COPG2: variants seen among roughly 807,000 people sequenced by gnomAD.
COPG2 encodes coat protein complex I subunit gamma 2.
In COPG2, 37 loss-of-function variants were observed where a neutral mutation model predicts 46.3. The observed-to-expected ratio is 0.80, with a 90% CI of 0.61 to 1.05. The LOEUF (loss-of-function observed/expected upper bound fraction) is 1.05, where lower values mean the gene tolerates loss of function less well. Ranked by LOEUF, COPG2 falls within the 50% of genes least tolerant of loss-of-function variation. COPG2 has a pLI of 0.00. For synonymous variants in COPG2, 159 were observed against 129.7 expected, an observed-to-expected ratio of 1.23 and a Z score of -1.53; for missense variants, 427 against 387.8, an observed-to-expected ratio of 1.10 and a Z score of -0.85.
At chr7:130,639,955 A>C (rs973470199) in intron 5 of COPG2, among the ~76,000 whole-genome samples, 7 of 151,008 alleles carry the variant, frequency 4.6e-5, no homozygotes, top group Non-Finnish European at 1.0e-4. Context: ...CTTTTCCCCC[A>C]CTCTTCACCC....
At chr7:130,559,548 A>T (rs1793684880) in intron 12 of COPG2, among the ~76,000 whole-genome samples, 1 of 152,200 alleles carries the variant, frequency 6.6e-6, no homozygotes, top group Admixed American at 6.5e-5. Flanking sequence ...CCAGATCCCC[A>T]GCTAAACTTC....
chr7:130,592,088 A>G (rs1794441886), intron 9 of COPG2, among the ~76,000 whole-genome samples: 4 of 152,122 alleles, frequency 2.6e-5, no homozygotes, highest in Admixed American at 2.0e-4. Flanking sequence ...GATCCTGTTG[A>G]TCTGTGACCT....
At chr7:130,543,579 T>G (rs1343624957) in intron 20 of COPG2, among the ~76,000 whole-genome samples, 3 of 152,210 alleles carry the variant, frequency 2.0e-5, no homozygotes, top group African/African-American at 7.2e-5. Flanking sequence ...GGTAAGTATG[T>G]TGGACACCAA....
chr7:130,573,800 G>A (rs1793954326), intron 9 of COPG2, among the ~76,000 whole-genome samples: 2 of 152,030 alleles, frequency 1.3e-5, no homozygotes, highest in African/African-American at 4.8e-5. Context: ...ATGTTACATA[G>A]GTAAGTTCAA....
At chr7:130,578,525 A>C (rs1202653662) in intron 9 of COPG2, among the ~76,000 whole-genome samples, 21 of 151,416 alleles carry the variant, frequency 1.4e-4, no homozygotes, top group African/African-American at 4.3e-4. Context: ...TGAGAGAAGA[A>C]GGCTTCAGAC....
rs1554439927 is a variant in COPG2 at position 130,506,301 on chromosome 7, T to C, written c.*375A>G. 1 of 145,906 alleles carries C rather than the reference T, an allele frequency of 6.9e-6. No homozygotes were observed. The highest frequency in any genetic ancestry group is 2.0e-4 in the East Asian group (1 of 4,898). 9.0% of individuals were successfully genotyped at this position (145,906 alleles called of 1,614,324 possible). ...AATGAATTGTGACAAAAGTGGACTC[T>C]GGCTTCCCCTCCCCCCTCCCCCCCA... On this transcript the variant is annotated 3_prime_UTR_variant, in exon 24 of 24. Coordinates refer to ENST00000425248, the MANE Select transcript of COPG2 (RefSeq NM_012133.6).
intron 20 of COPG2, chr7:130,509,570 C>A: frequency 2.3e-6 from 1 of 432,026 alleles, no homozygotes; most frequent in Admixed American, 2.4e-5. Context: ...AGACTTTCAT[C>A]TGCTCAGTCT....
chr7:130,541,833 A>G (rs1353849774), intron 20 of COPG2, among the ~76,000 whole-genome samples: 2 of 142,444 alleles, frequency 1.4e-5, no homozygotes, highest in Non-Finnish European at 3.0e-5. Context: ...TCAAGAAGGG[A>G]GGACACACCT....
intron 5 of COPG2, among the ~76,000 whole-genome samples, chr7:130,637,020 T>A (rs1205415398): frequency 2.6e-5 from 4 of 152,194 alleles, no homozygotes; most frequent in Non-Finnish European, 4.4e-5. Flanking sequence ...GGGCTGAAAA[T>A]TCTTTTCTTT....
chr7:130,619,114 T>C (rs1237421288), intron 5 of COPG2, among the ~76,000 whole-genome samples: 1 of 152,168 alleles, frequency 6.6e-6, no homozygotes, highest in African/African-American at 2.4e-5. Flanking sequence ...TTTTAGTACT[T>C]TCTTTGTTTC....
chr7:130,585,016 C>G (rs1385114870), intron 9 of COPG2, among the ~76,000 whole-genome samples: 1 of 151,914 alleles, frequency 6.6e-6, no homozygotes, highest in Non-Finnish European at 1.5e-5. Flanking sequence ...CAAAACAAGA[C>G]TAAGCTAAAA....
Position 130,554,603 on chromosome 7 carries a change from G to A in COPG2, c.1346C>T (p.Thr449Ile). ...GTGTAGAATCTTAGTAGCCAGAACAGTGTGTTCACAGTCCTCAATGAATTC... is the reference window on the plus strand; with the variant it reads ...GTGTAGAATCTTAGTAGCCAGAACAATGTGTTCACAGTCCTCAATGAATTC... ...LCEFIEDCEH[T>I]VLATKILHLL... is the part of the protein sequence containing the mutation. The change falls in exon 14 of 24, where the codon ACT becomes ATT. Residue 449 changes from threonine to isoleucine, a missense_variant. By Grantham distance (89) the Thr-to-Ile change is moderately conservative. Coordinates refer to ENST00000425248, the MANE Select transcript of COPG2 (RefSeq NM_012133.6). The A allele has an allele frequency of 2.5e-6, 1 of 398,550 alleles. No homozygotes were observed. The highest frequency in any genetic ancestry group is 4.4e-6 in the Non-Finnish European group (1 of 226,060). The allele number at this position is 398,550 out of a possible 1,614,324, so 24.7% of individuals were successfully genotyped here.
rs569908657 is a variant in COPG2, at chr7:130,663,418, T to C, written c.172-380A>G. ...CTAAGAGCAGAGATCATATCTATAATGCCCAGCACAATGCCTAACATGTCA... is the reference window on the plus strand; with the variant it reads ...CTAAGAGCAGAGATCATATCTATAACGCCCAGCACAATGCCTAACATGTCA... On this transcript the variant is annotated intron_variant, in intron 3 of 23. Transcript: ENST00000425248. Among the ~76,000 whole-genome samples the C allele has an allele frequency of 4.9e-4, 75 of 152,288 alleles. 1 individual carries two copies. Among genetic ancestry groups the C allele is most frequent in the African/African-American group, 1.7e-3 (70 of 41,544 alleles).
At chr7:130,630,250 G>C (rs1795204996) in intron 5 of COPG2, among the ~76,000 whole-genome samples, 1 of 152,024 alleles carries the variant, frequency 6.6e-6, no homozygotes. Context: ...CCAATGTTTT[G>C]TAGTTTTTAG....
intron 4 of COPG2, among the ~76,000 whole-genome samples, chr7:130,658,491 A>G (rs1175208292): frequency 6.6e-6 from 1 of 152,154 alleles, no homozygotes; most frequent in African/African-American, 2.4e-5. Flanking sequence ...GTGTTTGTCA[A>G]AGCTCATAGA....
intron 5 of COPG2, among the ~76,000 whole-genome samples, chr7:130,624,411 GA>G (rs1584587919): frequency 6.6e-6 from 1 of 152,036 alleles, no homozygotes; most frequent in East Asian, 1.9e-4. Context: ...GAAGACTATT[GA>G]TTTTTTTTAC....
chr7:130,510,775 A>G (rs1799581831), intron 20 of COPG2, among the ~76,000 whole-genome samples: 1 of 152,174 alleles, frequency 6.6e-6, no homozygotes, highest in African/African-American at 2.4e-5. Context: ...GGTTACAGGG[A>G]TCTAAGGAAG....
intron 9 of COPG2, among the ~76,000 whole-genome samples, chr7:130,585,309 A>G (rs1259750727): frequency 6.6e-6 from 1 of 152,098 alleles, no homozygotes; most frequent in Non-Finnish European, 1.5e-5. Flanking sequence ...CTTATACAAA[A>G]ATCAACTCAA....
intron 18 of COPG2, among the ~76,000 whole-genome samples, chr7:130,549,031 GAAAGCAA>G (rs1471058143): frequency 8.3e-6 from 1 of 120,652 alleles, no homozygotes; most frequent in Non-Finnish European, 1.7e-5. Context: ...ATATATTAAT[GAAAGCAA>G]AAAGCAAAAA....
Sources: gnomAD v4.1 joint callset for allele counts (sites outside exome capture counted in the v4.1 genomes callset) on GRCh38, gnomAD v4.1.1 for gene constraint, MANE v1.5 for transcripts, NCBI Gene and HGNC (gene_info 2026-07-23, HGNC 2026-07-21) for gene names.